Variants in LRP1B observed in about 807,000 individuals in gnomAD.
LRP1B encodes the protein LDL receptor related protein 1B.
A neutral mutation model predicts 556.6 loss-of-function variants in LRP1B; 217 were observed. The observed-to-expected ratio is 0.39, with a 90% CI of 0.35 to 0.44. The LOEUF (loss-of-function observed/expected upper bound fraction) is 0.44, where lower values mean the gene tolerates loss of function less well. Among genes scored for constraint, LRP1B ranks in the 20% least tolerant of loss-of-function variants. LRP1B has a pLI of 1.00. For synonymous variants in LRP1B, 2,047 were observed against 1,865.8 expected, an observed-to-expected ratio of 1.10 and a Z score of -2.50; for missense variants, 5,053 against 5,620.8, an observed-to-expected ratio of 0.90 and a Z score of 3.23.
chr2:141,763,234 G>A (rs1694620492), intron 2 of LRP1B, among the ~76,000 whole-genome samples: 2 of 152,036 alleles, frequency 1.3e-5, no homozygotes, highest in African/African-American at 4.8e-5. Context: ...TGGTGGGTGA[G>A]TTCAGAGTAC....
chr2:141,021,791 C>T (rs1698070804), intron 11 of LRP1B, among the ~76,000 whole-genome samples: 1 of 151,848 alleles, frequency 6.6e-6, no homozygotes, highest in Admixed American at 6.6e-5. Flanking sequence ...TAAGCAAATT[C>T]AGTGACGCAT....
At chr2:140,746,473 T>C (rs1003985582) in intron 35 of LRP1B, among the ~76,000 whole-genome samples, 9 of 152,182 alleles carry the variant, frequency 5.9e-5, no homozygotes, top group Non-Finnish European at 1.3e-4. Context: ...TTTATTTTGC[T>C]ACTCACCTAG....
At chr2:140,810,566 AAAG>A (rs10535986) in intron 32 of LRP1B, among the ~76,000 whole-genome samples, 32,237 of 151,754 alleles carry the variant, frequency 0.21, 3,635 homozygotes, top group South Asian at 0.29. Flanking sequence ...GGAGGTTTTG[AAAG>A]AAGGAGAACC....
Position 140,314,964 on chromosome 2 carries a change from T to A in LRP1B, c.12776A>T (p.Asn4259Ile). 1 of 1,609,048 alleles carries A rather than the reference T, an allele frequency of 6.2e-7. No homozygotes were observed. Among genetic ancestry groups the A allele is most frequent in the Non-Finnish European group, 8.5e-7 (1 of 1,177,540 alleles). ...EVNHCSNYCQ[N>I]GGTCVPSVLG... is the part of the protein sequence containing the mutation. ...AACTGATGGTACGCAAGTTCCTCCA[T>A]TCTGGCAGTAGTTGCTACAGTGGTT... The change falls in exon 83 of 91, where the codon AAT becomes ATT. Residue 4259 changes from asparagine (N) to isoleucine (I), a missense_variant. Physicochemically the swap from Asn to Ile is moderately radical, Grantham distance 149 (BLOSUM62 -3). This residue lies in a region of LRP1B where 551 missense variants were observed against 592.0 expected (regional missense o/e 0.93). Coordinates refer to ENST00000389484, the MANE Select transcript of LRP1B (RefSeq NM_018557.3).
At chr2:141,156,885 G>A (rs1702081043) in intron 7 of LRP1B, among the ~76,000 whole-genome samples, 1 of 152,042 alleles carries the variant, frequency 6.6e-6, no homozygotes, top group Admixed American at 6.6e-5. Flanking sequence ...ATTAATGTTT[G>A]CTAGAAAAAC....
At chr2:141,826,762 T>C (rs1696943498) in intron 1 of LRP1B, among the ~76,000 whole-genome samples, 1 of 152,214 alleles carries the variant, frequency 6.6e-6, no homozygotes, top group Non-Finnish European at 1.5e-5. Context: ...ACTAATTGAG[T>C]AAAAGTGAGA....
rs1376064158 is a variant in LRP1B, at chr2:141,897,205, A to T, written c.83-86804T>A. On this transcript the variant is annotated intron_variant, in intron 1 of 90. Transcript: ENST00000389484. ...AGCTGTCTATTCTCACCAAAAAAAG[A>T]CACACTGTAAAGGTCATTCAGGGAA... Among the ~76,000 whole-genome samples the T allele has an allele frequency of 2.6e-5, 4 of 152,170 alleles. No individual in the cohort carries two copies. The East Asian group carries it at 7.7e-4, about 29-fold the overall frequency.
At chr2:141,924,919 T>C (rs1422620361) in intron 1 of LRP1B, among the ~76,000 whole-genome samples, 1 of 152,212 alleles carries the variant, frequency 6.6e-6, no homozygotes, top group Non-Finnish European at 1.5e-5. Flanking sequence ...CTCTTTTTTT[T>C]CCTCAGAGAA....
chr2:140,863,170 A>G (rs751913541), intron 27 of LRP1B, among the ~76,000 whole-genome samples: 17 of 152,204 alleles, frequency 1.1e-4, no homozygotes, highest in Non-Finnish European at 1.3e-4. Context: ...ATATATATAT[A>G]TGTGTTACAC....
At chr2:140,727,091 T>C (rs1048289463) in intron 35 of LRP1B, among the ~76,000 whole-genome samples, 1 of 152,184 alleles carries the variant, frequency 6.6e-6, no homozygotes, top group African/African-American at 2.4e-5. Flanking sequence ...TTTATCTGTG[T>C]GTATATTAAA....
intron 46 of LRP1B, among the ~76,000 whole-genome samples, chr2:140,534,509 CCTATATCCTTTGCATCTATCTGCAAG>C (rs1187191101): frequency 6.6e-6 from 1 of 152,114 alleles, no homozygotes; most frequent in African/African-American, 2.4e-5. Context: ...ACATCCATTT[CCTATATCCTTTGCATCTATCTGCAAG>C]GATTTTATAA....
chr2:140,525,917 C>G lies in LRP1B; in HGVS notation c.7953G>C (p.Leu2651=), dbSNP rs1190812341. 1 of 1,612,406 alleles carries G rather than the reference C, an allele frequency of 6.2e-7. No homozygotes were observed. Among genetic ancestry groups the G allele is most frequent in the Admixed American group, 1.7e-5 (1 of 59,792 alleles). Residue 2651 remains leucine, a synonymous_variant, in exon 49 of 91, where the codon CTG becomes CTC. Transcript: ENST00000389484. ...CGCATATCCAGGTTGGCAGAACACA[C>G]AGTGAGGTAGAATTACATCTTATGA... ...TGFIRCNSTS[L]CVLPTWICDG...
intron 41 of LRP1B, among the ~76,000 whole-genome samples, chr2:140,638,242 T>A (rs1412136404): frequency 6.6e-6 from 1 of 152,182 alleles, no homozygotes; most frequent in Non-Finnish European, 1.5e-5. Flanking sequence ...TATGATGTAG[T>A]TCTCAACAAA....
At chr2:140,742,234 G>A (rs759854707) in intron 35 of LRP1B, among the ~76,000 whole-genome samples, 7 of 152,182 alleles carry the variant, frequency 4.6e-5, no homozygotes. Flanking sequence ...CAGGCACAGG[G>A]TGGGTGAGAA....
At chr2:141,748,770 G>C (rs1694001449) in intron 2 of LRP1B, among the ~76,000 whole-genome samples, 1 of 152,162 alleles carries the variant, frequency 6.6e-6, no homozygotes, top group African/African-American at 2.4e-5. Context: ...AAAGCAGAAG[G>C]CTCTGGGCTG....
intron 77 of LRP1B, 72 bp from the exon 78 acceptor site, chr2:140,335,910 T>C (rs1032945785): frequency 1.8e-5 from 16 of 913,706 alleles, no homozygotes; most frequent in Admixed American, 8.8e-5. Context: ...TATCTTTACA[T>C]TGAAGTTATG....
At chr2:140,470,048 C>A (rs1687699740) in intron 60 of LRP1B, among the ~76,000 whole-genome samples, 1 of 152,146 alleles carries the variant, frequency 6.6e-6, no homozygotes, top group African/African-American at 2.4e-5. Context: ...GACCCCTGTT[C>A]TTGGAATCCC....
chr2:141,932,733 T>C (rs1004646657), intron 1 of LRP1B, among the ~76,000 whole-genome samples: 17 of 152,060 alleles, frequency 1.1e-4, no homozygotes, highest in Admixed American at 1.1e-3. Flanking sequence ...GATGCCTCAG[T>C]CATAAATTTT....
chr2:141,431,023 G>T (rs1459127063), intron 3 of LRP1B, among the ~76,000 whole-genome samples: 1 of 151,794 alleles, frequency 6.6e-6, no homozygotes, highest in Non-Finnish European at 1.5e-5. Context: ...TATAGTTTTG[G>T]CTTTTGGGAG....
Sources: allele counts gnomAD v4.1 joint callset (sites outside exome capture counted in the v4.1 genomes callset), GRCh38; gene constraint gnomAD v4.1.1; regional missense constraint gnomAD v4.1.1; transcripts MANE v1.5; gene names NCBI Gene and HGNC (gene_info 2026-07-23, HGNC 2026-07-21).